The following MARCO variants were observed in gnomAD, a reference collection of about 807,000 sequenced individuals.
MARCO encodes macrophage receptor with collagenous structure, also known as macrophage receptor MARCO.
In MARCO, 72 loss-of-function variants were observed where a neutral mutation model predicts 70.0. The ratio of observed to expected loss-of-function variants is 1.03; its 90% CI spans 0.85 to 1.25. MARCO has a LOEUF of 1.25. Among genes scored for constraint, MARCO ranks in the 50% most tolerant of loss-of-function variants. The pLI, the probability that MARCO is intolerant of heterozygous loss-of-function variation, is 0.00. For synonymous variants in MARCO, 273 were observed against 243.1 expected (o/e 1.12, Z -1.14); for missense variants, 696 against 659.3 (o/e 1.06, Z -0.61).
intron 6 of MARCO, among the ~76,000 whole-genome samples, chr2:118,976,566 T>C (rs1680288082): frequency 6.6e-6 from 1 of 152,130 alleles, no homozygotes; most frequent in Admixed American, 6.5e-5. Context: ...ACCTCCAGTC[T>C]GTACTCCATA....
intron 12 of MARCO, among the ~76,000 whole-genome samples, chr2:118,984,246 C>A (rs769835170): frequency 4.6e-5 from 7 of 152,220 alleles, no homozygotes; most frequent in African/African-American, 9.6e-5. Context: ...CAGCTTGTTC[C>A]ATTCCTGGGA....
chr2:118,944,080 C>T (rs1031677551), intron 1 of MARCO, among the ~76,000 whole-genome samples: 5 of 152,008 alleles, frequency 3.3e-5, no homozygotes, highest in East Asian at 3.9e-4. Flanking sequence ...GGGAGGAAGA[C>T]GCAGGAGTTA....
rs1680238341 is a variant in MARCO, at chr2:118,974,507, C to T, written c.569-14C>T. ...CCTTCTCTGGCTTCACTCTGAATTC[C>T]CTTTCCCTTCCAGGCCCCTCGGGAC... On this transcript the variant is annotated splice_polypyrimidine_tract_variant and intron_variant, in intron 5 of 16. Coordinates refer to ENST00000327097, the MANE Select transcript of MARCO (RefSeq NM_006770.4). 3 of 1,613,960 alleles carry T rather than the reference C, an allele frequency of 1.9e-6. No homozygotes were observed. The highest frequency in any genetic ancestry group is 1.7e-6 in the Non-Finnish European group (2 of 1,179,982).
chr2:118,969,201 G>A lies in MARCO; in HGVS notation c.139G>A (p.Ala47Thr). The change falls in exon 2 of 17, where the codon GCT becomes ACT. Residue 47 changes from alanine (A) to threonine (T), a missense_variant. Ala to Thr is a moderately conservative substitution (Grantham distance 58, BLOSUM62 0). Transcript: ENST00000327097. ...GAGAAATGGGGTGAACTTCTCCCTA[G>A]CTGTGGTGGTCATCTACCTGATCCT... ...KRRNGVNFSL[A>T]VVVIYLILLT... is the part of the protein sequence containing the mutation. 6.2e-7 allele frequency: 1 copy of A among 1,614,208 alleles called. No individual in the cohort carries two copies. The highest frequency in any genetic ancestry group is 8.5e-7 in the Non-Finnish European group (1 of 1,180,028).
intron 1 of MARCO, among the ~76,000 whole-genome samples, chr2:118,953,724 C>T (rs1024729740): frequency 2.6e-5 from 4 of 152,192 alleles, no homozygotes; most frequent in African/African-American, 9.7e-5. Flanking sequence ...CCAGTAGACA[C>T]CCCAAATACT....
At chr2:118,992,315 AC>A (rs1456871069) in intron 14 of MARCO, 116 bp from the exon 15 acceptor site, 7 of 763,252 alleles carry the variant, frequency 9.2e-6, no homozygotes, top group African/African-American at 1.7e-5. Flanking sequence ...CACAGGCGAG[AC>A]CCACGGAGCA....
At chr2:118,988,200 G>C (rs1314528559) in intron 12 of MARCO, among the ~76,000 whole-genome samples, 1 of 152,138 alleles carries the variant, frequency 6.6e-6, no homozygotes, top group Non-Finnish European at 1.5e-5. Flanking sequence ...CTGGAGGTGA[G>C]GAGCTAGGAA....
chr2:118,979,662 T>C (rs987807629), intron 8 of MARCO, among the ~76,000 whole-genome samples: 2 of 152,118 alleles, frequency 1.3e-5, no homozygotes, highest in African/African-American at 4.8e-5. Flanking sequence ...TTGGAAACGC[T>C]GTGGTTGGCG....
chr2:118,991,862 C>A lies in MARCO; in HGVS notation c.1194C>A (p.Asp398Glu), dbSNP rs1680628440. The A allele has an allele frequency of 1.3e-6, 2 of 1,596,694 alleles. No homozygotes were observed. Among genetic ancestry groups the A allele is most frequent in the African/African-American group, 2.7e-5 (2 of 74,888 alleles). The change falls in exon 14 of 17, where the codon GAC (aspartate) becomes GAA (glutamate). Residue 398 changes from aspartate (D) to glutamate (E), a missense_variant. By Grantham distance (45) the Asp-to-Glu change is conservative. Around this residue, in one of 3 missense-constraint regions of MARCO, gnomAD observed 605 missense variants for 537.6 expected, o/e 1.13. Transcript: ENST00000327097. ...CTGGACAAGCTGGCCAGAAGGGAGA[C>A]CAGGGAGTGAAAGGTAAGGCCTCTG... is the stretch of plus-strand genomic sequence containing the variant. ...GAPGQAGQKG[D>E]QGVKGSSGEQ... is the part of the protein sequence containing the mutation.
intron 12 of MARCO, among the ~76,000 whole-genome samples, chr2:118,989,365 A>G (rs1028260820): frequency 1.3e-5 from 2 of 152,118 alleles, no homozygotes; most frequent in African/African-American, 4.8e-5. Context: ...TTTCCCTAAC[A>G]CGAGGAACAG....
intron 1 of MARCO, among the ~76,000 whole-genome samples, chr2:118,945,419 T>C (rs1004320958): frequency 2.7e-5 from 4 of 149,652 alleles, no homozygotes; most frequent in African/African-American, 7.4e-5. Context: ...TTTTTTTTTT[T>C]TTTTCTTTTT....
At chr2:118,972,668 G>C (rs1180375952) in intron 4 of MARCO, among the ~76,000 whole-genome samples, 1 of 152,164 alleles carries the variant, frequency 6.6e-6, no homozygotes, top group African/African-American at 2.4e-5. Flanking sequence ...TTATTATTAT[G>C]ACTATTATTT....
chr2:118,972,143 G>A (rs1680185283), intron 4 of MARCO, among the ~76,000 whole-genome samples: 1 of 152,170 alleles, frequency 6.6e-6, no homozygotes, highest in Admixed American at 6.5e-5. Context: ...GTTGCTGTAG[G>A]ACTCAAGGGA....
At chr2:118,974,283 T>C (rs747757413) in intron 4 of MARCO, 50 bp from the exon 5 acceptor site, 8 of 1,083,664 alleles carry the variant, frequency 7.4e-6, no homozygotes, top group Non-Finnish European at 9.7e-6. Flanking sequence ...ATGGCGTTGT[T>C]GCCCCATCCT....
At chr2:118,950,979 T>C (rs1215054156) in intron 1 of MARCO, among the ~76,000 whole-genome samples, 1 of 152,234 alleles carries the variant, frequency 6.6e-6, no homozygotes, top group Non-Finnish European at 1.5e-5. Context: ...CAATTATCCT[T>C]TGCTATTAAT....
At chr2:118,951,048 CTG>C (rs1218369577) in intron 1 of MARCO, among the ~76,000 whole-genome samples, 2 of 152,236 alleles carry the variant, frequency 1.3e-5, no homozygotes, top group Non-Finnish European at 2.9e-5. Context: ...CTTCCTGAAT[CTG>C]TAAGTATTTT....
At chr2:118,974,986 G>A (rs562395238) in intron 6 of MARCO, among the ~76,000 whole-genome samples, 2 of 152,308 alleles carry the variant, frequency 1.3e-5, no homozygotes, top group East Asian at 3.9e-4. Context: ...AAGAAACCGA[G>A]CCTCAGTTTC....
At chr2:118,982,711 G>C (rs1680417940) in intron 12 of MARCO, among the ~76,000 whole-genome samples, 2 of 152,152 alleles carry the variant, frequency 1.3e-5, no homozygotes, top group Non-Finnish European at 2.9e-5. Context: ...CCTCCCAGCT[G>C]TACGTTTCTG....
intron 4 of MARCO, 60 bp downstream of exon 4, chr2:118,971,594 C>T: frequency 1.3e-6 from 2 of 1,575,834 alleles, no homozygotes; most frequent in Admixed American, 1.7e-5. Context: ...CCAAAAGGGC[C>T]CCTTGGCCTG....
Sources: gnomAD v4.1 joint callset for allele counts (sites outside exome capture counted in the v4.1 genomes callset) on GRCh38, gnomAD v4.1.1 for gene constraint, gnomAD v4.1.1 regional missense constraint, MANE v1.5 for transcripts, NCBI Gene and HGNC (gene_info 2026-07-23, HGNC 2026-07-21) for gene names.